The following CTNND2 variants were observed in gnomAD, a reference collection of about 807,000 sequenced individuals.
CTNND2 encodes catenin delta 2.
CTNND2 carries 22 observed loss-of-function variants against 144.4 expected under a neutral mutation model. The observed-to-expected ratio is 0.15, with a 90% CI of 0.11 to 0.22. The LOEUF (loss-of-function observed/expected upper bound fraction) is 0.22. CTNND2 is among the 10% of genes least tolerant of loss of function. CTNND2 has a pLI of 1.00. For synonymous variants in CTNND2, 751 were observed against 695.6 expected (o/e 1.08, Z -1.25); for missense variants, 1,353 against 1,618.8 (o/e 0.84, Z 2.82).
intron 7 of CTNND2, among the ~76,000 whole-genome samples, chr5:11,378,723 T>C (rs1401412064): frequency 6.6e-6 from 1 of 152,204 alleles, no homozygotes; most frequent in African/African-American, 2.4e-5. Context: ...CCCAGTAGAC[T>C]TCACATTTCC....
At chr5:11,581,955 A>G (rs1778469576) in intron 2 of CTNND2, among the ~76,000 whole-genome samples, 1 of 152,186 alleles carries the variant, frequency 6.6e-6, no homozygotes, top group South Asian at 2.1e-4. Context: ...GTACAGTAGT[A>G]TTTGTATCAT....
chr5:11,588,054 G>A (rs1366467268), intron 2 of CTNND2, among the ~76,000 whole-genome samples: 5 of 151,954 alleles, frequency 3.3e-5, no homozygotes, highest in Non-Finnish European at 2.9e-5. Flanking sequence ...TATAATTAAG[G>A]GGTGTGTGCA....
chr5:11,247,293 T>C (rs974622208), intron 9 of CTNND2, among the ~76,000 whole-genome samples: 15 of 151,952 alleles, frequency 9.9e-5, no homozygotes, highest in African/African-American at 3.6e-4. Context: ...CCTTTGAAGG[T>C]AGAGCCTGCA....
intron 9 of CTNND2, among the ~76,000 whole-genome samples, chr5:11,273,841 T>C (rs1353552080): frequency 1.3e-5 from 2 of 152,190 alleles, no homozygotes; most frequent in Non-Finnish European, 2.9e-5. Context: ...AAGAAAAAAG[T>C]TGTGCGCCAT....
intron 1 of CTNND2, among the ~76,000 whole-genome samples, chr5:11,837,192 A>C (rs552589753): frequency 6.6e-6 from 1 of 152,302 alleles, no homozygotes; most frequent in East Asian, 1.9e-4. Flanking sequence ...TATGATTCCA[A>C]TATTTACTGG....
chr5:11,191,716 A>T (rs992131019), intron 11 of CTNND2, among the ~76,000 whole-genome samples: 4 of 152,160 alleles, frequency 2.6e-5, no homozygotes, highest in African/African-American at 4.8e-5. Context: ...CTCCCACCAC[A>T]TCCCCTCTTT....
intron 2 of CTNND2, among the ~76,000 whole-genome samples, chr5:11,717,103 G>A (rs1452731629): frequency 6.6e-6 from 1 of 150,424 alleles, no homozygotes; most frequent in Non-Finnish European, 1.5e-5. Context: ...CCTGACCTCA[G>A]GTGATCCACC....
chr5:11,419,036 A>G (rs1320249229), intron 3 of CTNND2, among the ~76,000 whole-genome samples: 4 of 142,576 alleles, frequency 2.8e-5, no homozygotes, highest in Non-Finnish European at 4.5e-5. Flanking sequence ...CTATATATAG[A>G]TATATAGATA....
chr5:11,619,072 A>G (rs942800652), intron 2 of CTNND2, among the ~76,000 whole-genome samples: 1 of 152,180 alleles, frequency 6.6e-6, no homozygotes, highest in East Asian at 1.9e-4. Flanking sequence ...TTTTATTTAC[A>G]TGCACTAAAA....
intron 1 of CTNND2, among the ~76,000 whole-genome samples, chr5:11,879,268 A>G (rs1259487980): frequency 6.6e-6 from 1 of 150,464 alleles, no homozygotes; most frequent in Admixed American, 6.7e-5. Context: ...GTGTTTCTGG[A>G]TATGATTCAC....
chr5:11,836,273 A>G (rs1391537180), intron 1 of CTNND2, among the ~76,000 whole-genome samples: 1 of 152,216 alleles, frequency 6.6e-6, no homozygotes, highest in Non-Finnish European at 1.5e-5. Flanking sequence ...AGAGAGTGCT[A>G]AAATGATCAT....
At chr5:11,376,777 G>A (rs61274403) in intron 7 of CTNND2, among the ~76,000 whole-genome samples, 2,590 of 152,206 alleles carry the variant, frequency 0.017, 61 homozygotes, top group African/African-American at 0.06. Context: ...TTGTCAGGGG[G>A]TGTCAACCTA....
intron 12 of CTNND2, among the ~76,000 whole-genome samples, chr5:11,149,230 T>C (rs891350101): frequency 2.0e-5 from 3 of 152,174 alleles, no homozygotes; most frequent in East Asian, 1.9e-4. Flanking sequence ...TTGTGCAAAA[T>C]AGCTCCGTGA....
chr5:11,466,003 A>C (rs1003616827), intron 3 of CTNND2, among the ~76,000 whole-genome samples: 1 of 152,122 alleles, frequency 6.6e-6, no homozygotes, highest in Non-Finnish European at 1.5e-5. Flanking sequence ...TTTCTAACTT[A>C]AAAAAACAAA....
intron 1 of CTNND2, among the ~76,000 whole-genome samples, chr5:11,889,849 T>C (rs926303831): frequency 1.3e-5 from 2 of 152,162 alleles, no homozygotes; most frequent in East Asian, 1.9e-4. Flanking sequence ...ATAAAGGACA[T>C]CACAATGTTT....
chr5:11,100,844 A>G (rs1250106973), intron 14 of CTNND2, among the ~76,000 whole-genome samples: 1 of 152,234 alleles, frequency 6.6e-6, no homozygotes, highest in Non-Finnish European at 1.5e-5. Flanking sequence ...GCTCGTTACA[A>G]AAAAGAGGAA....
chr5:11,398,320 C>T (rs1760323546), intron 5 of CTNND2, among the ~76,000 whole-genome samples: 1 of 152,152 alleles, frequency 6.6e-6, no homozygotes, highest in Non-Finnish European at 1.5e-5. Context: ...AAGAATGGAA[C>T]ATGACTTTAT....
chr5:11,112,151 T>A (rs1753057445), intron 13 of CTNND2, among the ~76,000 whole-genome samples: 1 of 152,156 alleles, frequency 6.6e-6, no homozygotes, highest in African/African-American at 2.4e-5. Context: ...ACCCAGCAGG[T>A]CTACATCTTA....
At chr5:11,508,644 G>A (rs1771315499) in intron 3 of CTNND2, among the ~76,000 whole-genome samples, 1 of 152,318 alleles carries the variant, frequency 6.6e-6, no homozygotes, top group African/African-American at 2.4e-5. Context: ...GGGTGCAGTG[G>A]TTCACACCTG....
Sources: allele counts gnomAD v4.1 joint callset (sites outside exome capture counted in the v4.1 genomes callset), GRCh38; gene constraint gnomAD v4.1.1; transcripts MANE v1.5; gene names NCBI Gene and HGNC (gene_info 2026-07-23, HGNC 2026-07-21).